The following SYT1 variants were observed in gnomAD, a reference collection of about 807,000 sequenced individuals.
SYT1 encodes the protein synaptotagmin 1, also known as synaptotagmin-1.
Under a neutral mutation model 44.8 loss-of-function variants are expected in SYT1, and 8 were observed. That is an observed-to-expected ratio of 0.18 (90% CI 0.10 to 0.32). The LOEUF (loss-of-function observed/expected upper bound fraction) is 0.32, where lower values mean the gene tolerates loss of function less well. SYT1 is among the 10% of genes least tolerant of loss of function. The pLI is 1.00. For missense variants in SYT1, 286 were observed against 509.3 expected (o/e 0.56, Z 4.22); for synonymous variants, 154 against 188.8 (o/e 0.82, Z 1.51).
chr12:79,369,080 C>T (rs1229447300), intron 9 of SYT1, among the ~76,000 whole-genome samples: 1 of 152,136 alleles, frequency 6.6e-6, no homozygotes, highest in East Asian at 1.9e-4. Flanking sequence ...ACTGTGCCTC[C>T]CTCAAACAAC....
chr12:79,307,390 C>T (rs1309382208), intron 8 of SYT1, among the ~76,000 whole-genome samples: 2 of 152,144 alleles, frequency 1.3e-5, no homozygotes, highest in African/African-American at 4.8e-5. Context: ...TTCATTCTTT[C>T]ACTGATTTCA....
At chr12:78,995,338 G>GT (rs1262304631) in intron 2 of SYT1, among the ~76,000 whole-genome samples, 1 of 152,136 alleles carries the variant, frequency 6.6e-6, no homozygotes, top group East Asian at 1.9e-4. Flanking sequence ...CATTTATTAA[G>GT]TTTTTTCTAT....
intron 3 of SYT1, among the ~76,000 whole-genome samples, chr12:79,105,195 C>T (rs550396099): frequency 6.6e-6 from 1 of 152,268 alleles, no homozygotes; most frequent in East Asian, 1.9e-4. Context: ...GCGTTGACCA[C>T]ATTATCTATT....
At chr12:79,117,603 T>C (rs1033029633) in intron 3 of SYT1, among the ~76,000 whole-genome samples, 102 of 144,544 alleles carry the variant, frequency 7.1e-4, no homozygotes, top group African/African-American at 2.5e-3. Flanking sequence ...ACAGCTCACC[T>C]GCCTCTACCA....
chr12:79,349,220 A>G (rs1592989604), intron 8 of SYT1, among the ~76,000 whole-genome samples: 1 of 151,976 alleles, frequency 6.6e-6, no homozygotes, highest in African/African-American at 2.4e-5. Context: ...GATGGAAGGA[A>G]GGATCTAACT....
chr12:79,447,123 T>C (rs1870778545), intron 10 of SYT1, among the ~76,000 whole-genome samples: 2 of 152,178 alleles, frequency 1.3e-5, no homozygotes, highest in South Asian at 4.1e-4. Flanking sequence ...ACAGAAACTA[T>C]GCCCAATATA....
At chr12:79,443,332 A>G (rs2136200511) in intron 9 of SYT1, among the ~76,000 whole-genome samples, 1 of 152,234 alleles carries the variant, frequency 6.6e-6, no homozygotes, top group East Asian at 1.9e-4. Context: ...TAAAACCTAA[A>G]TTCCCTTCCT....
chr12:79,179,624 G>A (rs1240043247), intron 3 of SYT1, among the ~76,000 whole-genome samples: 1 of 150,634 alleles, frequency 6.6e-6, no homozygotes, highest in Non-Finnish European at 1.5e-5. Context: ...TTCTCCATGT[G>A]GGTCAGGCTG....
chr12:79,290,454 T>C (rs146609054), intron 5 of SYT1, among the ~76,000 whole-genome samples: 5 of 152,222 alleles, frequency 3.3e-5, no homozygotes, highest in African/African-American at 1.2e-4. Flanking sequence ...AAAAAGACCA[T>C]GTAGTCTTGG....
At position 79,310,689 on chromosome 12, in the gene SYT1, A is replaced by G. The variant is rs540603249; in HGVS notation, c.810+11138A>G. 1.1e-3 allele frequency among the ~76,000 whole-genome samples: 170 copies of G among 152,114 alleles called. 1 individual carries two copies. The highest frequency in any genetic ancestry group is 4.0e-3 in the African/African-American group (166 of 41,512). ...ATTTGTTTGTATCCTCTTTTATTTC[A>G]TTGAGCAGTGGTTTGTAGTTCTCCT... On this transcript the variant is annotated intron_variant, in intron 8 of 10. Coordinates refer to ENST00000261205, the MANE Select transcript of SYT1 (RefSeq NM_005639.3).
chr12:79,215,433 C>T (rs1202472968), intron 3 of SYT1, among the ~76,000 whole-genome samples: 2 of 152,036 alleles, frequency 1.3e-5, no homozygotes, highest in African/African-American at 4.8e-5. Flanking sequence ...CCTCATTTTA[C>T]AAAAGAAGAA....
chr12:78,909,514 C>G (rs1456428172), intron 1 of SYT1, among the ~76,000 whole-genome samples: 1 of 151,834 alleles, frequency 6.6e-6, no homozygotes, highest in Non-Finnish European at 1.5e-5. Context: ...ATGTATACCC[C>G]CTTCTATCCA....
At chr12:79,078,407 C>T (rs1189382250) in intron 3 of SYT1, among the ~76,000 whole-genome samples, 1 of 152,036 alleles carries the variant, frequency 6.6e-6, no homozygotes, top group Non-Finnish European at 1.5e-5. Flanking sequence ...TAGTTTAGTG[C>T]CTGACATACA....
At chr12:78,942,967 A>C (rs77033257) in intron 1 of SYT1, among the ~76,000 whole-genome samples, 1 of 152,212 alleles carries the variant, frequency 6.6e-6, no homozygotes, top group African/African-American at 2.4e-5. Context: ...TGAAATCATC[A>C]GTAAAACTGA....
intron 1 of SYT1, among the ~76,000 whole-genome samples, chr12:78,939,247 A>C (rs896514089): frequency 1.3e-4 from 20 of 152,216 alleles, no homozygotes; most frequent in African/African-American, 4.8e-4. Flanking sequence ...TGAGTTATTA[A>C]AGAGAATCGA....
At chr12:79,394,743 C>T (rs183578202) in intron 9 of SYT1, among the ~76,000 whole-genome samples, 300 of 152,264 alleles carry the variant, frequency 2.0e-3, no homozygotes, top group Non-Finnish European at 3.3e-3. Context: ...GTTTCTACTG[C>T]AACATTTCAA....
intron 9 of SYT1, among the ~76,000 whole-genome samples, chr12:79,411,624 CAT>C (rs1868435181): frequency 6.6e-6 from 1 of 151,954 alleles, no homozygotes. Context: ...TTGAAACAAA[CAT>C]AAATATATGT....
chr12:79,316,843 A>C (rs1390860643), intron 8 of SYT1, among the ~76,000 whole-genome samples: 1 of 152,252 alleles, frequency 6.6e-6, no homozygotes, highest in East Asian at 1.9e-4. Context: ...AAAGCATCTT[A>C]GCACTTTTGC....
intron 4 of SYT1, among the ~76,000 whole-genome samples, chr12:79,255,427 TATA>T (rs1239621144): frequency 6.6e-6 from 1 of 152,220 alleles, no homozygotes; most frequent in Non-Finnish European, 1.5e-5. Context: ...ACAGAACTTT[TATA>T]TGCACTGTGA....
Sources: gnomAD v4.1 joint callset for allele counts (sites outside exome capture counted in the v4.1 genomes callset) on GRCh38, gnomAD v4.1.1 for gene constraint, MANE v1.5 for transcripts, NCBI Gene and HGNC (gene_info 2026-07-23, HGNC 2026-07-21) for gene names.